PRPF38A: variants seen among roughly 807,000 people sequenced by gnomAD.
PRPF38A encodes pre-mRNA processing factor 38A, also known as pre-mRNA-splicing factor 38A.
Under a neutral mutation model 46.8 loss-of-function variants are expected in PRPF38A, and 11 were observed. The observed-to-expected ratio is 0.24, with a 90% CI of 0.15 to 0.39. The LOEUF is 0.39. Ranked by LOEUF, PRPF38A falls within the 10% of genes least tolerant of loss-of-function variation. The pLI is 1.00. For synonymous variants in PRPF38A, 124 were observed against 136.2 expected (o/e 0.91, Z 0.62); for missense variants, 261 against 407.5 (o/e 0.64, Z 3.10).
At chr1:52,415,243 A>C in intron 8 of PRPF38A, 95 bp from the exon 9 acceptor site, 1 of 1,275,322 alleles carries the variant, frequency 7.8e-7, no homozygotes, top group Admixed American at 2.0e-5. Context: ...GGCCAAAAGA[A>C]TATTAAGCCA....
At position 52,417,558 on chromosome 1, in the gene PRPF38A, T is replaced by C. The variant is rs376446025; in HGVS notation, c.*868T>C. ...TTTAGAGGGGCAGAGAATTAGAGGA[T>C]GGTGGTAGTAATGAAAATGATGCAT... On this transcript the variant is annotated 3_prime_UTR_variant, in exon 10 of 10. Coordinates refer to ENST00000257181, the MANE Select transcript of PRPF38A (RefSeq NM_032864.4). 1 of 152,134 alleles carries C rather than the reference T, an allele frequency of 6.6e-6. No individual in the cohort carries two copies. The highest frequency in any genetic ancestry group is 6.6e-5 in the Admixed American group (1 of 15,266). The allele number at this position is 152,134 out of a possible 1,614,324, so 9.4% of individuals were successfully genotyped here. A position where few individuals can be genotyped will look rare whatever the true frequency, so the allele number is the denominator to read the frequency against.
intron 3 of PRPF38A, chr1:52,409,050 T>C (rs922111185): frequency 2.1e-5 from 4 of 194,458 alleles, no homozygotes; most frequent in South Asian, 9.6e-5. Flanking sequence ...TTCCATATTT[T>C]ACATCTTCAC....
Position 52,415,395 on chromosome 1 carries a change from T to A in PRPF38A, c.896+9T>A. ...TCAAAGTCTCCCGAAAGGTAATGAA[T>A]TGACCTCTATTTTAACTTTACAGAA... On this transcript the variant is annotated intron_variant, in intron 9 of 9. Coordinates refer to ENST00000257181, the MANE Select transcript of PRPF38A (RefSeq NM_032864.4). 1.2e-6 allele frequency: 2 copies of A among 1,610,666 alleles called. No individual in the cohort carries two copies. The highest frequency in any genetic ancestry group is 1.7e-6 in the Non-Finnish European group (2 of 1,177,088).
In PRPF38A at chr1:52,411,878, A is replaced by T. The variant is rs528610343; in HGVS notation, c.499-636A>T. ...AGGGCCCAATTCTTATAGCAAGACA[A>T]TGTCTTGCTGTGTTGCCCAGGCTGT... On this transcript the variant is annotated intron_variant, in intron 4 of 9. Transcript: ENST00000257181. 5.9e-5 allele frequency among the ~76,000 whole-genome samples: 9 copies of T among 152,186 alleles called. No homozygotes were observed. In the South Asian group the frequency reaches 1.9e-3, roughly 32 times the overall value.
At position 52,405,563 on chromosome 1, in the gene PRPF38A, G is replaced by T; in HGVS notation, c.131-117G>T. On this transcript the variant is annotated intron_variant, in intron 1 of 9. Transcript: ENST00000257181. ...TCGTTACTGTTATTAATACACATTC[G>T]TTCTCCTAATATTACACTGTTGATG... 6.8e-6 allele frequency: 6 copies of T among 881,748 alleles called. No individual in the cohort carries two copies. In the East Asian group the frequency reaches 9.7e-5, roughly 14 times the overall value. 54.6% of individuals were successfully genotyped at this position (881,748 alleles called of 1,614,324 possible). A position where few individuals can be genotyped will look rare whatever the true frequency, so the allele number is the denominator to read the frequency against.
In PRPF38A at chr1:52,417,822, G is replaced by C. The variant is rs1175892061; in HGVS notation, c.*1132G>C. Reference sequence around the variant, plus strand: ...AATAGAAGTCACCTATTGAAAACTGGAATGGCCCATTCAGAAAGACAGGAG... The same window carrying C: ...AATAGAAGTCACCTATTGAAAACTGCAATGGCCCATTCAGAAAGACAGGAG... On this transcript the variant is annotated 3_prime_UTR_variant, in exon 10 of 10. Coordinates refer to ENST00000257181, the MANE Select transcript of PRPF38A (RefSeq NM_032864.4). The C allele has an allele frequency of 6.6e-6, 1 of 152,206 alleles. No individual in the cohort carries two copies. The highest frequency in any genetic ancestry group is 1.5e-5 in the Non-Finnish European group (1 of 68,072). The allele number at this position is 152,206 out of a possible 1,614,324, so 9.4% of individuals were successfully genotyped here.
Position 52,418,125 on chromosome 1 carries a change from A to G in PRPF38A, c.*1435A>G, listed in dbSNP as rs1648342210. ...ATAAGGTAAACATTCTATATATTCTATGCCTGCTCTAGAATTGAAAGACTT... is the reference window on the plus strand; with the variant it reads ...ATAAGGTAAACATTCTATATATTCTGTGCCTGCTCTAGAATTGAAAGACTT... On this transcript the variant is annotated 3_prime_UTR_variant, in exon 10 of 10. Coordinates refer to ENST00000257181, the MANE Select transcript of PRPF38A (RefSeq NM_032864.4). The G allele has an allele frequency of 6.6e-6, 1 of 152,638 alleles. No homozygotes were observed. The highest frequency in any genetic ancestry group is 2.4e-5 in the African/African-American group (1 of 41,450). 9.5% of individuals were successfully genotyped at this position (152,638 alleles called of 1,614,324 possible).
intron 9 of PRPF38A, among the ~76,000 whole-genome samples, 184 bp from the exon 10 acceptor site, chr1:52,416,464 A>G (rs1648294881): frequency 6.6e-6 from 1 of 151,900 alleles, no homozygotes; most frequent in Non-Finnish European, 1.5e-5. Flanking sequence ...GCCCGCCGCC[A>G]TGCTCGGCTA....
rs773721253 is a variant in PRPF38A at position 52,420,345 on chromosome 1, A to G, written c.*3655A>G. 2 of 152,228 alleles carry G rather than the reference A, an allele frequency of 1.3e-5. No homozygotes were observed. The highest frequency in any genetic ancestry group is 2.4e-5 in the African/African-American group (1 of 41,460). 9.4% of individuals were successfully genotyped at this position (152,228 alleles called of 1,614,324 possible). A position where few individuals can be genotyped will look rare whatever the true frequency, so the allele number is the denominator to read the frequency against. On this transcript the variant is annotated 3_prime_UTR_variant, in exon 10 of 10. Coordinates refer to ENST00000257181, the MANE Select transcript of PRPF38A (RefSeq NM_032864.4). ...TAGTAAACACTTCAGAAACTTTAAA[A>G]ATAATGGGCAATGATTATAAAGTCA... is the stretch of plus-strand genomic sequence containing the variant.
Position 52,414,839 on chromosome 1 carries a change from G to A in PRPF38A, c.827G>A (p.Arg276Lys). The change falls in exon 8 of 10, where the codon AGA (arginine) becomes AAA (lysine). Residue 276 changes from arginine (R) to lysine (K), a missense_variant. Transcript: ENST00000257181. Reference protein sequence around the residue: ...HRSRSRDRRHRSRSKSPGHHR... With the variant: ...HRSRSRDRRHKSRSKSPGHHR... ...AGCAGGTCCCGAGATCGGCGGCACA[G>A]ATCCCGTTCCAAGTCCCCAGGTAAA... 1 of 1,614,142 alleles carries A rather than the reference G, an allele frequency of 6.2e-7. No homozygotes were observed. The highest frequency in any genetic ancestry group is 8.5e-7 in the Non-Finnish European group (1 of 1,179,996).
At position 52,418,634 on chromosome 1, in the gene PRPF38A, T is replaced by C. The variant is rs1648357538; in HGVS notation, c.*1944T>C. ...GAAAGAGAATGTCCCTATTCTTTAATTAGAAGAAGGAGGTAAGAGTAAGAC... is the reference window on the plus strand; with the variant it reads ...GAAAGAGAATGTCCCTATTCTTTAACTAGAAGAAGGAGGTAAGAGTAAGAC... On this transcript the variant is annotated 3_prime_UTR_variant, in exon 10 of 10. Transcript: ENST00000257181. The C allele has an allele frequency of 6.6e-6, 1 of 152,144 alleles. No homozygotes were observed. The allele number at this position is 152,144 out of a possible 1,614,324, so 9.4% of individuals were successfully genotyped here.
chr1:52,408,828 C>T, intron 3 of PRPF38A, 138 bp downstream of exon 3: 1 of 1,109,746 alleles, frequency 9.0e-7, no homozygotes, highest in Admixed American at 2.4e-5. Context: ...GCAGGTTTTC[C>T]CTTGTCCCTC....
At chr1:52,415,137 T>TTCAA (rs1466391977) in intron 8 of PRPF38A, among the ~76,000 whole-genome samples, 2 of 152,222 alleles carry the variant, frequency 1.3e-5, no homozygotes, top group African/African-American at 4.8e-5. Flanking sequence ...AGCCCTTGAA[T>TTCAA]GTATATGTAT....
chr1:52,410,056 C>A (rs1359908117), intron 3 of PRPF38A, among the ~76,000 whole-genome samples: 2 of 139,438 alleles, frequency 1.4e-5, no homozygotes, highest in African/African-American at 3.2e-5. Context: ...TGTATATACA[C>A]ACACATATAT....
In PRPF38A at chr1:52,411,183, A is replaced by G; in HGVS notation, c.481A>G (p.Ile161Val). 1 of 1,612,878 alleles carries G rather than the reference A, an allele frequency of 6.2e-7. No homozygotes were observed. Among genetic ancestry groups the G allele is most frequent in the Non-Finnish European group, 8.5e-7 (1 of 1,179,046 alleles). Residue 161 changes from isoleucine to valine, a missense_variant, in exon 4 of 10, where the codon ATT (isoleucine) becomes GTT (valine). Transcript: ENST00000257181. Reference sequence around the variant, plus strand: ...GCACAGTGAGAGAGTCTGTGATATCATTCTGCCCCGACTACAGGTAAGAAA... The same window carrying G: ...GCACAGTGAGAGAGTCTGTGATATCGTTCTGCCCCGACTACAGGTAAGAAA... ...LLHSERVCDI[I>V]LPRLQKRYVL...
Position 52,418,045 on chromosome 1 carries a change from G to C in PRPF38A, c.*1355G>C, listed in dbSNP as rs1386790536. 1.3e-5 allele frequency: 2 copies of C among 152,674 alleles called. No individual in the cohort carries two copies. Among genetic ancestry groups the C allele is most frequent in the African/African-American group, 2.4e-5 (1 of 41,452 alleles). The allele number at this position is 152,674 out of a possible 1,614,324, so 9.5% of individuals were successfully genotyped here. On this transcript the variant is annotated 3_prime_UTR_variant, in exon 10 of 10. Coordinates refer to ENST00000257181, the MANE Select transcript of PRPF38A (RefSeq NM_032864.4). ...TGCAACTGTAGTCCCAGCAGGAACT[G>C]TGAAGACCAGCTGCCCTGCAGGATC...
Position 52,419,737 on chromosome 1 carries a change from T to TG in PRPF38A, c.*3047_*3048insG, listed in dbSNP as rs1326768615. ...AAATGGAAAAGAGAAATATGTAGAA[T>TG]AAAGAAATATTCTGATGGTTTAAAA... On this transcript the variant is annotated 3_prime_UTR_variant, in exon 10 of 10. Coordinates refer to ENST00000257181, the MANE Select transcript of PRPF38A (RefSeq NM_032864.4). The TG allele has an allele frequency of 6.6e-6, 1 of 151,988 alleles. No individual in the cohort carries two copies. The highest frequency in any genetic ancestry group is 6.6e-5 in the Admixed American group (1 of 15,252). 9.4% of individuals were successfully genotyped at this position (151,988 alleles called of 1,614,324 possible). A position where few individuals can be genotyped will look rare whatever the true frequency, so the allele number is the denominator to read the frequency against.
chr1:52,412,822 G>A (rs751313271), intron 5 of PRPF38A, among the ~76,000 whole-genome samples, 198 bp downstream of exon 5: 1 of 152,164 alleles, frequency 6.6e-6, no homozygotes, highest in Non-Finnish European at 1.5e-5. Context: ...CAACGTGGTG[G>A]TGAAACCTCG....
At chr1:52,407,382 C>T (rs1272081759) in intron 2 of PRPF38A, among the ~76,000 whole-genome samples, 1 of 152,076 alleles carries the variant, frequency 6.6e-6, no homozygotes, top group Non-Finnish European at 1.5e-5. Context: ...TTACTGTGTG[C>T]TCTGTGCTAT....
Sources: allele counts gnomAD v4.1 joint callset (sites outside exome capture counted in the v4.1 genomes callset), GRCh38; gene constraint gnomAD v4.1.1; transcripts MANE v1.5; gene names NCBI Gene and HGNC (gene_info 2026-07-23, HGNC 2026-07-21).